Variants in SPATA3 observed in about 807,000 individuals in gnomAD.
SPATA3 encodes the protein spermatogenesis-associated protein 3.
In SPATA3, 6 loss-of-function variants were observed where a neutral mutation model predicts 5.7. That is an observed-to-expected ratio of 1.06 (90% CI 0.58 to 2.09). SPATA3 has a LOEUF of 2.09. SPATA3 is among the 30% of genes most tolerant of loss of function. SPATA3 has a pLI of 0.00. For missense variants in SPATA3, 155 were observed against 130.4 expected (o/e 1.19, Z -0.92); for synonymous variants, 44 against 48.4 (o/e 0.91, Z 0.37).
chr2:231,001,641 T>C (rs537279369), intron 2 of SPATA3, among the ~76,000 whole-genome samples: 3 of 152,332 alleles, frequency 2.0e-5, no homozygotes, highest in African/African-American at 4.8e-5. Flanking sequence ...CATCCATCCA[T>C]GGCCAAATCG....
chr2:231,016,911 C>T (rs1049220121), intron 6 of SPATA3, among the ~76,000 whole-genome samples: 1 of 152,204 alleles, frequency 6.6e-6, no homozygotes, highest in African/African-American at 2.4e-5. Context: ...ACCATCAAGA[C>T]ATCACTCAGT....
At chr2:231,014,249 A>G (rs2125123595) in intron 6 of SPATA3, 1 of 152,328 alleles carries the variant, frequency 6.6e-6, no homozygotes, top group African/African-American at 2.4e-5. Flanking sequence ...TGAAATCAAT[A>G]GTTACATAGG....
At chr2:231,012,005 T>G (rs1692801188), downstream of SPATA3, among the ~76,000 whole-genome samples, 1 of 152,190 alleles carries the variant, frequency 6.6e-6, no homozygotes, top group South Asian at 2.1e-4. Context: ...TGTCCCAAGA[T>G]GCATTCCGGT....
intron 1 of SPATA3, among the ~76,000 whole-genome samples, chr2:230,996,812 A>G (rs1692140581): frequency 6.6e-6 from 1 of 152,242 alleles, no homozygotes. Flanking sequence ...AGGAATCAGC[A>G]GTGCCATGCA....
intron 2 of SPATA3, among the ~76,000 whole-genome samples, chr2:231,001,287 G>A (rs1242543451): frequency 1.3e-5 from 2 of 152,146 alleles, no homozygotes; most frequent in Admixed American, 6.5e-5. Flanking sequence ...TTACATGCAT[G>A]GGCTGGGAGA....
At chr2:231,002,780 A>G in exon 3 of SPATA3, 15 of 1,508,674 alleles carry the variant, frequency 9.9e-6, no homozygotes, top group Non-Finnish European at 1.3e-5. Context: ...GCTGCCTACT[A>G]CATCACTGAA....
chr2:231,004,426 C>T (rs1692462000), downstream of SPATA3, among the ~76,000 whole-genome samples: 2 of 152,148 alleles, frequency 1.3e-5, no homozygotes, highest in Non-Finnish European at 2.9e-5. Flanking sequence ...CGGCTCCTTT[C>T]TTGACTCTGC....
chr2:231,002,572 G>A (rs1692392816), intron 2 of SPATA3, 112 bp from the exon 3 acceptor site: 4 of 565,590 alleles, frequency 7.1e-6, no homozygotes, highest in Non-Finnish European at 1.2e-5. Flanking sequence ...AGAGGGGGAA[G>A]ATGGGTATTC....
chr2:231,019,799 C>G (rs1693034147), exon 7 of SPATA3: 1 of 150,834 alleles, frequency 6.6e-6, no homozygotes, highest in South Asian at 2.1e-4. Flanking sequence ...CATCTGATGC[C>G]TCTACTATCA....
downstream of SPATA3, among the ~76,000 whole-genome samples, chr2:231,010,897 A>G (rs1398319863): frequency 2.8e-5 from 4 of 141,660 alleles, no homozygotes; most frequent in African/African-American, 8.2e-5. Context: ...GCGAAAACTC[A>G]TATTTTGTAT....
At chr2:231,013,089 C>T (rs1414011356) in intron 5 of SPATA3, among the ~76,000 whole-genome samples, 1 of 152,150 alleles carries the variant, frequency 6.6e-6, no homozygotes, top group African/African-American at 2.4e-5. Flanking sequence ...ACATTTTATT[C>T]CCCAAGACGC....
Position 230,999,038 on chromosome 2 carries a change from C to T in SPATA3, c.791-1328C>T, listed in dbSNP as rs146320882. Among the ~76,000 whole-genome samples, 172 of 152,230 alleles carry T rather than the reference C, an allele frequency of 1.1e-3. 1 individual carries two copies. The highest frequency in any genetic ancestry group is 3.9e-3 in the African/African-American group (163 of 41,542). ...AAACAAAATGTGGTATGAAATACCACAGTACAATGAGTATGGTGAAATACT... is the reference window on the plus strand; with the variant it reads ...AAACAAAATGTGGTATGAAATACCATAGTACAATGAGTATGGTGAAATACT... On this transcript the variant is annotated intron_variant, in intron 1 of 2. Transcript: ENST00000645363.
At chr2:231,003,336 C>A (rs1285436024), downstream of SPATA3, among the ~76,000 whole-genome samples, 1 of 152,186 alleles carries the variant, frequency 6.6e-6, no homozygotes, top group Non-Finnish European at 1.5e-5. Flanking sequence ...CCTGCAAGAC[C>A]CCTGAGGGCA....
In SPATA3 at chr2:231,000,555, C is replaced by A; in HGVS notation, c.962+18C>A. ...TTCTACAGGTTCCAAGCGCGAGGGG[C>A]TGGAGCCTCGGGGCACACAGTCCCC... On this transcript the variant is annotated intron_variant, in intron 2 of 2. Coordinates refer to ENST00000645363, the Ensembl canonical transcript of SPATA3. The A allele has an allele frequency of 6.7e-7, 1 of 1,484,848 alleles. No homozygotes were observed. Among genetic ancestry groups the A allele is most frequent in the South Asian group, 1.3e-5 (1 of 75,994 alleles). The allele number at this position is 1,484,848 out of a possible 1,614,324, so 92.0% of individuals were successfully genotyped here.
chr2:231,008,251 C>T (rs1187559352), downstream of SPATA3, among the ~76,000 whole-genome samples: 2 of 152,204 alleles, frequency 1.3e-5, no homozygotes, highest in Non-Finnish European at 2.9e-5. Context: ...TTCCTCCACA[C>T]TTTTGTCCCC....
chr2:231,005,229 TCACCATCACCAC>T (rs1559197538), downstream of SPATA3, among the ~76,000 whole-genome samples: 48 of 103,602 alleles, frequency 4.6e-4, no homozygotes, highest in East Asian at 8.4e-3. Context: ...ATCATCACCA[TCACCATCACCAC>T]CACCATCACC....
intron 2 of SPATA3, 70 bp from the exon 3 acceptor site, chr2:231,002,614 C>T: frequency 1.0e-6 from 1 of 970,500 alleles, no homozygotes; most frequent in Non-Finnish European, 1.5e-6. Context: ...ATAATTTCCA[C>T]TTTCTCCTGT....
chr2:231,011,253 TA>T (rs1692780203), downstream of SPATA3, among the ~76,000 whole-genome samples: 2 of 152,060 alleles, frequency 1.3e-5, no homozygotes, highest in Admixed American at 1.3e-4. Context: ...TAGCTGGGAT[TA>T]CAAGCATACG....
chr2:231,006,458 G>A (rs193078646), downstream of SPATA3, among the ~76,000 whole-genome samples: 669 of 151,656 alleles, frequency 4.4e-3, 7 homozygotes, highest in Middle Eastern at 0.058. Context: ...AGCCGAGATC[G>A]CACCATTGCA....
Sources: allele counts gnomAD v4.1 joint callset (sites outside exome capture counted in the v4.1 genomes callset), GRCh38; gene constraint gnomAD v4.1.1; transcripts MANE v1.5; gene names NCBI Gene and HGNC (gene_info 2026-07-23, HGNC 2026-07-21).